Variants in NOS1AP observed in about 807,000 individuals in gnomAD.
NOS1AP encodes the protein carboxyl-terminal PDZ ligand of neuronal nitric oxide synthase protein.
Under a neutral mutation model 56.2 loss-of-function variants are expected in NOS1AP, and 21 were observed. The observed-to-expected ratio is 0.37, with a 90% CI of 0.26 to 0.54. The LOEUF (loss-of-function observed/expected upper bound fraction) is 0.54, where lower values mean the gene tolerates loss of function less well. Ranked by LOEUF, NOS1AP falls within the 20% of genes least tolerant of loss-of-function variation. The pLI, the probability that NOS1AP is intolerant of heterozygous loss-of-function variation, is 0.84. For synonymous variants in NOS1AP, 270 were observed against 274.6 expected, an observed-to-expected ratio of 0.98 and a Z score of 0.17; for missense variants, 522 against 657.8, an observed-to-expected ratio of 0.79 and a Z score of 2.26.
At chr1:162,242,208 A>G (rs4561024) in intron 2 of NOS1AP, among the ~76,000 whole-genome samples, 4,025 of 152,322 alleles carry the variant, frequency 0.026, 78 homozygotes, top group Middle Eastern at 0.065. Context: ...ATGACAGGTC[A>G]GTGTGGGTTT....
chr1:162,144,366 G>A (rs1481820873), intron 1 of NOS1AP, among the ~76,000 whole-genome samples: 1 of 152,142 alleles, frequency 6.6e-6, no homozygotes, highest in Non-Finnish European at 1.5e-5. Context: ...TCTGAGCCTT[G>A]ATTTTCCCTT....
At chr1:162,289,932 C>A (rs1047734174) in intron 3 of NOS1AP, among the ~76,000 whole-genome samples, 1 of 152,178 alleles carries the variant, frequency 6.6e-6, no homozygotes, top group South Asian at 2.1e-4. Flanking sequence ...CACTGTCTCT[C>A]CCATGTACCT....
chr1:162,333,429 A>G (rs757940953), intron 5 of NOS1AP, among the ~76,000 whole-genome samples: 5 of 152,184 alleles, frequency 3.3e-5, no homozygotes, highest in Admixed American at 6.5e-5. Context: ...AAGCATTGTC[A>G]TTTACTAAGG....
intron 1 of NOS1AP, among the ~76,000 whole-genome samples, chr1:162,118,348 T>C (rs1229379005): frequency 2.0e-5 from 3 of 152,214 alleles, no homozygotes; most frequent in Non-Finnish European, 4.4e-5. Flanking sequence ...AGCGAGAACA[T>C]GTAGTATTTG....
intron 4 of NOS1AP, among the ~76,000 whole-genome samples, chr1:162,323,272 G>T (rs1264750542): frequency 6.6e-6 from 1 of 152,242 alleles, no homozygotes; most frequent in Non-Finnish European, 1.5e-5. Context: ...GTTGGCAGCA[G>T]CCAGAAGCTA....
chr1:162,241,218 G>A (rs1406664649), intron 2 of NOS1AP, among the ~76,000 whole-genome samples: 1 of 152,202 alleles, frequency 6.6e-6, no homozygotes, highest in Non-Finnish European at 1.5e-5. Context: ...GGGAAGCAGA[G>A]GAGAGGTGGG....
intron 1 of NOS1AP, among the ~76,000 whole-genome samples, chr1:162,113,167 C>T (rs770128069): frequency 3.3e-5 from 5 of 152,090 alleles, no homozygotes; most frequent in Non-Finnish European, 7.4e-5. Flanking sequence ...GAGGGGAAGC[C>T]TACACCTCTT....
rs1179258555 is a variant in NOS1AP at position 162,321,730 on chromosome 1, AAAT to A, written c.345-11285_345-11283del. Among the ~76,000 whole-genome samples the A allele has an allele frequency of 4.4e-3, 589 of 133,136 alleles. 8 individuals are homozygous for A. The highest frequency in any genetic ancestry group is 0.014 in the African/African-American group (449 of 31,168). 87.3% of individuals were successfully genotyped at this position (133,136 alleles called of 152,430 possible). On this transcript the variant is annotated intron_variant, in intron 4 of 9. Coordinates refer to ENST00000361897, the MANE Select transcript of NOS1AP (RefSeq NM_014697.3). The stretch of plus-strand genomic sequence containing the variant: ...ACTTAAAGTATAATTAAAAAAAAAA[AAAT>A]ATATATATATATATATATAAAAGCA...
chr1:162,105,470 G>C (rs1256390963), intron 1 of NOS1AP, among the ~76,000 whole-genome samples: 1 of 152,220 alleles, frequency 6.6e-6, no homozygotes. Flanking sequence ...TCCTCATTCA[G>C]ATCATTTGTA....
chr1:162,363,279 C>G (rs1657961548), intron 8 of NOS1AP: 2 of 152,606 alleles, frequency 1.3e-5, no homozygotes, highest in Non-Finnish European at 2.9e-5. Context: ...AGGAAAACAC[C>G]TACATTTACT....
chr1:162,169,836 T>C (rs1397199284), intron 2 of NOS1AP, among the ~76,000 whole-genome samples: 1 of 152,204 alleles, frequency 6.6e-6, no homozygotes, highest in Non-Finnish European at 1.5e-5. Context: ...TTTCCTATGA[T>C]TGCCATGCAG....
chr1:162,366,427 G>C (rs1352352215), intron 9 of NOS1AP, among the ~76,000 whole-genome samples: 1 of 152,170 alleles, frequency 6.6e-6, no homozygotes, highest in Non-Finnish European at 1.5e-5. Context: ...GCCTAGCAAG[G>C]AGCAGAGCCA....
intron 1 of NOS1AP, among the ~76,000 whole-genome samples, chr1:162,081,029 G>A (rs185433922): frequency 4.6e-5 from 7 of 152,262 alleles, no homozygotes; most frequent in Admixed American, 2.6e-4. Flanking sequence ...GTGGCTCAGG[G>A]TGTCTCCATT....
rs1006839691 is a variant in NOS1AP at position 162,188,369 on chromosome 1, C to T, written c.177+33893C>T. On this transcript the variant is annotated intron_variant, in intron 2 of 9. Transcript: ENST00000361897. The surrounding 1 kb of genome is among the most constrained non-coding windows in gnomAD (Gnocchi z 4.0). ...ATATTTCTGTTGCTGGAATTGGGCT[C>T]ACACACTGTCTCTTTATAGGCCATT... 9.2e-5 allele frequency among the ~76,000 whole-genome samples: 14 copies of T among 152,282 alleles called. No homozygotes were observed. Among genetic ancestry groups the T allele is most frequent in the African/African-American group, 3.4e-4 (14 of 41,554 alleles).
intron 2 of NOS1AP, among the ~76,000 whole-genome samples, chr1:162,263,164 T>C (rs1246192584): frequency 2.6e-5 from 4 of 152,242 alleles, no homozygotes; most frequent in Non-Finnish European, 5.9e-5. Flanking sequence ...GATTGAGCCA[T>C]ATAGAAATTT....
At chr1:162,233,082 T>C (rs1203060876) in intron 2 of NOS1AP, among the ~76,000 whole-genome samples, 2 of 152,232 alleles carry the variant, frequency 1.3e-5, no homozygotes, top group African/African-American at 4.8e-5. Context: ...GGAGGGCTTA[T>C]TAAAACACAG....
chr1:162,288,978 A>AG (rs1435605506), intron 3 of NOS1AP, among the ~76,000 whole-genome samples: 7 of 152,192 alleles, frequency 4.6e-5, no homozygotes, highest in African/African-American at 1.7e-4. Context: ...CAGGACATCA[A>AG]GCTGAGGCCT....
In NOS1AP at chr1:162,370,171, A is replaced by G. The variant is rs939373303; in HGVS notation, c.*2704A>G. ...TTTCTCTGCACTGGATGGACTGTAT[A>G]TTGAGATTAAAAATTATATTCCTTA... On this transcript the variant is annotated 3_prime_UTR_variant, in exon 10 of 10. Transcript: ENST00000361897. 1 of 152,220 alleles carries G rather than the reference A, an allele frequency of 6.6e-6. No individual in the cohort carries two copies. The highest frequency in any genetic ancestry group is 2.4e-5 in the African/African-American group (1 of 41,450). 9.4% of individuals were successfully genotyped at this position (152,220 alleles called of 1,614,324 possible).
At chr1:162,087,179 T>A (rs1035302354) in intron 1 of NOS1AP, among the ~76,000 whole-genome samples, 1 of 152,176 alleles carries the variant, frequency 6.6e-6, no homozygotes, top group Non-Finnish European at 1.5e-5. Context: ...GAGGCTGACA[T>A]CCCTTGAATG....
Sources: allele counts gnomAD v4.1 joint callset (sites outside exome capture counted in the v4.1 genomes callset), GRCh38; gene constraint gnomAD v4.1.1; non-coding constraint Gnocchi (gnomAD v3.1); transcripts MANE v1.5; gene names NCBI Gene and HGNC (gene_info 2026-07-23, HGNC 2026-07-21).